CNTNAP5: variants seen among roughly 807,000 people sequenced by gnomAD.
CNTNAP5 encodes contactin associated protein family member 5.
In CNTNAP5, 72 loss-of-function variants were observed where a neutral mutation model predicts 150.2. The observed-to-expected ratio is 0.48, with a 90% CI of 0.40 to 0.58. CNTNAP5 has a LOEUF of 0.58. CNTNAP5 is among the 20% of genes least tolerant of loss of function. The probability of loss-of-function intolerance (pLI) is 0.00; values close to 1 mark genes in which losing one functional copy is unlikely to be tolerated. For missense variants in CNTNAP5, 1,636 were observed against 1,626.2 expected, an observed-to-expected ratio of 1.01 and a Z score of -0.10; for synonymous variants, 672 against 619.8, an observed-to-expected ratio of 1.08 and a Z score of -1.25.
At chr2:124,087,415 C>T (rs1682716866) in intron 1 of CNTNAP5, among the ~76,000 whole-genome samples, 1 of 151,770 alleles carries the variant, frequency 6.6e-6, no homozygotes, top group Admixed American at 6.6e-5. Flanking sequence ...TTTTAAAATT[C>T]CCTCTTTACA....
chr2:124,270,224 G>A (rs1189247661), intron 3 of CNTNAP5, among the ~76,000 whole-genome samples: 1 of 151,920 alleles, frequency 6.6e-6, no homozygotes, highest in Non-Finnish European at 1.5e-5. Flanking sequence ...TTGGAGAATC[G>A]CTTGAACCTG....
At chr2:124,900,137 G>A (rs917279854) in intron 21 of CNTNAP5, among the ~76,000 whole-genome samples, 1 of 151,350 alleles carries the variant, frequency 6.6e-6, no homozygotes, top group Non-Finnish European at 1.5e-5. Context: ...TTTGAAGGTT[G>A]AGAACACATA....
At chr2:124,646,644 T>C (rs1405847488) in intron 12 of CNTNAP5, among the ~76,000 whole-genome samples, 3 of 152,232 alleles carry the variant, frequency 2.0e-5, no homozygotes, top group Non-Finnish European at 2.9e-5. Flanking sequence ...TTGCAGTAAA[T>C]GTTTTAGCCT....
chr2:124,176,058 G>A (rs1039922859), intron 1 of CNTNAP5, among the ~76,000 whole-genome samples: 5 of 152,174 alleles, frequency 3.3e-5, no homozygotes, highest in Admixed American at 6.5e-5. Context: ...TGAAAATACT[G>A]AGTCCACAGG....
intron 10 of CNTNAP5, among the ~76,000 whole-genome samples, chr2:124,531,210 G>GGTTTT (rs775586540): frequency 6.6e-6 from 1 of 151,930 alleles, no homozygotes; most frequent in Non-Finnish European, 1.5e-5. Flanking sequence ...TTCACAATAG[G>GGTTTT]GTTTATATGC....
intron 1 of CNTNAP5, among the ~76,000 whole-genome samples, chr2:124,104,456 G>A (rs1430378093): frequency 6.6e-6 from 1 of 151,970 alleles, no homozygotes; most frequent in Non-Finnish European, 1.5e-5. Context: ...GATCATCTGG[G>A]CAATACTGAA....
chr2:124,852,499 A>T (rs1376586163), intron 19 of CNTNAP5, among the ~76,000 whole-genome samples: 1 of 152,214 alleles, frequency 6.6e-6, no homozygotes. Context: ...ATGAAATGAG[A>T]CCAAAGAGGT....
At chr2:124,722,452 GAGA>G (rs915953346) in intron 13 of CNTNAP5, among the ~76,000 whole-genome samples, 2 of 152,130 alleles carry the variant, frequency 1.3e-5, no homozygotes, top group African/African-American at 4.8e-5. Context: ...AGGAGAAATT[GAGA>G]AGAAGATGGT....
At chr2:124,383,161 C>A (rs1025338803) in intron 3 of CNTNAP5, among the ~76,000 whole-genome samples, 3 of 152,130 alleles carry the variant, frequency 2.0e-5, no homozygotes, top group Non-Finnish European at 4.4e-5. Flanking sequence ...AGAAGTTTAA[C>A]ACATTTGGCG....
intron 6 of CNTNAP5, among the ~76,000 whole-genome samples, chr2:124,464,481 A>G (rs1279545914): frequency 6.6e-6 from 1 of 152,214 alleles, no homozygotes. Flanking sequence ...ATTTGGCTCC[A>G]AAGTCGAAGC....
intron 10 of CNTNAP5, among the ~76,000 whole-genome samples, chr2:124,536,030 C>T (rs1447545236): frequency 6.6e-6 from 1 of 152,088 alleles, no homozygotes; most frequent in Non-Finnish European, 1.5e-5. Flanking sequence ...TAGTTCTTCT[C>T]TAAAATTGAA....
intron 10 of CNTNAP5, 55 bp downstream of exon 10, chr2:124,527,511 C>G: frequency 1.4e-6 from 2 of 1,421,594 alleles, no homozygotes; most frequent in South Asian, 2.8e-5. Context: ...TCTTACTGTT[C>G]TAAATATGAG....
chr2:124,515,499 G>A (rs568631856), intron 8 of CNTNAP5, among the ~76,000 whole-genome samples: 12 of 151,014 alleles, frequency 7.9e-5, no homozygotes, highest in East Asian at 5.9e-4. Flanking sequence ...TGCTTCATTC[G>A]TTTCCTGATT....
intron 3 of CNTNAP5, among the ~76,000 whole-genome samples, chr2:124,292,138 G>GA (rs1364890101): frequency 6.6e-6 from 1 of 151,980 alleles, no homozygotes. Context: ...AGAACAACTT[G>GA]AAAAATTACA....
chr2:124,365,617 G>T (rs1690352763), intron 3 of CNTNAP5, among the ~76,000 whole-genome samples: 1 of 152,158 alleles, frequency 6.6e-6, no homozygotes, highest in South Asian at 2.1e-4. Flanking sequence ...AAGATTTGCT[G>T]TAATTCCTTA....
intron 22 of CNTNAP5, among the ~76,000 whole-genome samples, chr2:124,906,794 C>T (rs968082622): frequency 5.9e-5 from 9 of 152,064 alleles, no homozygotes; most frequent in Non-Finnish European, 4.4e-5. Flanking sequence ...ATTGCCCACT[C>T]CTTTACTGTT....
At chr2:124,094,296 T>G (rs1275879991) in intron 1 of CNTNAP5, among the ~76,000 whole-genome samples, 1 of 152,230 alleles carries the variant, frequency 6.6e-6, no homozygotes, top group Non-Finnish European at 1.5e-5. Flanking sequence ...GCATTTAATT[T>G]CTGCTCCTTT....
intron 10 of CNTNAP5, among the ~76,000 whole-genome samples, chr2:124,561,060 C>G (rs930959801): frequency 2.0e-5 from 3 of 151,700 alleles, no homozygotes; most frequent in African/African-American, 7.3e-5. Flanking sequence ...TGGGGGAGGG[C>G]AGCAATAATA....
At chr2:124,066,751 C>T (rs543034592) in intron 1 of CNTNAP5, among the ~76,000 whole-genome samples, 94 of 152,190 alleles carry the variant, frequency 6.2e-4, no homozygotes, top group African/African-American at 2.0e-3. Flanking sequence ...AAACCCACTA[C>T]CTATGGAAAA....
Sources: gnomAD v4.1 joint callset for allele counts (sites outside exome capture counted in the v4.1 genomes callset) on GRCh38, gnomAD v4.1.1 for gene constraint, MANE v1.5 for transcripts, NCBI Gene and HGNC (gene_info 2026-07-23, HGNC 2026-07-21) for gene names.